Variants in TCF12 observed in about 807,000 individuals in gnomAD.
The protein encoded by TCF12 is DNA-binding protein HTF4.
In TCF12, 45 loss-of-function variants were observed where a neutral mutation model predicts 86.0. That is an observed-to-expected ratio of 0.52 (90% CI 0.41 to 0.67). The LOEUF (loss-of-function observed/expected upper bound fraction) is 0.67, where lower values mean the gene tolerates loss of function less well. Among genes scored for constraint, TCF12 ranks in the 30% least tolerant of loss-of-function variants. The pLI, the probability that TCF12 is intolerant of heterozygous loss-of-function variation, is 0.00. For synonymous variants in TCF12, 330 were observed against 299.6 expected, an observed-to-expected ratio of 1.10 and a Z score of -1.05; for missense variants, 881 against 859.9, an observed-to-expected ratio of 1.02 and a Z score of -0.31.
intron 5 of TCF12, among the ~76,000 whole-genome samples, chr15:57,148,576 T>G (rs2053529659): frequency 1.3e-5 from 2 of 151,394 alleles, no homozygotes; most frequent in African/African-American, 4.8e-5. Context: ...TTACAAAAAT[T>G]GTTTTTTCAA....
At chr15:57,135,799 A>T (rs1308518738) in intron 5 of TCF12, among the ~76,000 whole-genome samples, 1 of 152,222 alleles carries the variant, frequency 6.6e-6, no homozygotes, top group Non-Finnish European at 1.5e-5. Context: ...TCTGGTGGGA[A>T]TAAGAAAACT....
intron 3 of TCF12, among the ~76,000 whole-genome samples, chr15:56,973,844 A>G (rs1353369948): frequency 2.6e-5 from 4 of 152,148 alleles, no homozygotes; most frequent in Admixed American, 6.5e-5. Context: ...GTCTCCTGAT[A>G]TAGAGCACTG....
At chr15:56,970,479 C>CAAAAAAA (rs59118732) in intron 3 of TCF12, among the ~76,000 whole-genome samples, 1 of 65,476 alleles carries the variant, frequency 1.5e-5, no homozygotes. Context: ...GACTCCATCT[C>CAAAAAAA]AAAAAAAAAA....
intron 5 of TCF12, among the ~76,000 whole-genome samples, chr15:57,161,267 A>G (rs1301786185): frequency 6.6e-6 from 1 of 152,240 alleles, no homozygotes; most frequent in Non-Finnish European, 1.5e-5. Context: ...AGAGAGCAAG[A>G]TAACTTTTTT....
At chr15:57,201,309 G>A (rs751680523) in intron 8 of TCF12, among the ~76,000 whole-genome samples, 4 of 152,102 alleles carry the variant, frequency 2.6e-5, no homozygotes, top group Non-Finnish European at 4.4e-5. Flanking sequence ...GTAAGGGTGT[G>A]TACCAGGTGC....
intron 5 of TCF12, among the ~76,000 whole-genome samples, chr15:57,106,841 A>T (rs1489295249): frequency 6.6e-6 from 1 of 152,224 alleles, no homozygotes; most frequent in South Asian, 2.1e-4. Context: ...GTAATTAAGG[A>T]ATTGTAAATT....
chr15:57,283,038 G>C (rs1478881617), intron 20 of TCF12, among the ~76,000 whole-genome samples: 1 of 152,156 alleles, frequency 6.6e-6, no homozygotes, highest in Non-Finnish European at 1.5e-5. Context: ...ACATGAAAAA[G>C]TTATCACTTG....
intron 3 of TCF12, among the ~76,000 whole-genome samples, chr15:56,971,783 C>T (rs1393381631): frequency 6.6e-6 from 1 of 152,152 alleles, no homozygotes; most frequent in Non-Finnish European, 1.5e-5. Flanking sequence ...TGTAGTTTCA[C>T]TTTCTGGGGA....
rs566623326 is a variant in TCF12, at chr15:57,160,101, A to G, written c.326-6301A>G. ...TGGTCTAAATTTGGGTGTTGAAGGC[A>G]GAGTGAAACTGAACACCATTCTCCA... is the stretch of plus-strand genomic sequence containing the variant. On this transcript the variant is annotated intron_variant, in intron 5 of 20. Coordinates refer to ENST00000333725, the MANE Select transcript of TCF12 (RefSeq NM_207037.2). Among the ~76,000 whole-genome samples, 6 of 152,370 alleles carry G rather than the reference A, an allele frequency of 3.9e-5. No individual in the cohort carries two copies. In the East Asian group the frequency reaches 1.2e-3, roughly 29 times the overall value.
intron 3 of TCF12, among the ~76,000 whole-genome samples, chr15:56,987,173 G>A (rs1237402670): frequency 2.6e-5 from 4 of 151,732 alleles, no homozygotes; most frequent in African/African-American, 9.7e-5. Flanking sequence ...GTTCAGTGGC[G>A]CAATCTGGGC....
chr15:57,118,665 C>T (rs2051010743), intron 5 of TCF12, among the ~76,000 whole-genome samples: 1 of 152,130 alleles, frequency 6.6e-6, no homozygotes, highest in Non-Finnish European at 1.5e-5. Flanking sequence ...TGTGTTACTT[C>T]TTCAGACCTA....
intron 5 of TCF12, among the ~76,000 whole-genome samples, chr15:57,140,199 A>T (rs2052856328): frequency 6.6e-6 from 1 of 152,218 alleles, no homozygotes; most frequent in Admixed American, 6.5e-5. Flanking sequence ...TGGTATATGC[A>T]TACAACAGAA....
intron 3 of TCF12, among the ~76,000 whole-genome samples, chr15:56,974,823 G>A (rs1353266626): frequency 2.0e-5 from 3 of 151,740 alleles, no homozygotes; most frequent in Non-Finnish European, 4.4e-5. Flanking sequence ...ACTTAGATCC[G>A]CTTTCTAAGT....
At chr15:57,214,859 C>T (rs2058268049) in intron 8 of TCF12, among the ~76,000 whole-genome samples, 1 of 151,952 alleles carries the variant, frequency 6.6e-6, no homozygotes, top group Admixed American at 6.6e-5. Flanking sequence ...TTAAGATTTT[C>T]ATACAGTGGA....
intron 12 of TCF12, among the ~76,000 whole-genome samples, chr15:57,235,113 T>C (rs1162909707): frequency 1.3e-5 from 2 of 152,252 alleles, no homozygotes; most frequent in Non-Finnish European, 2.9e-5. Context: ...ACTCATTTAC[T>C]ACATAGTAGA....
chr15:57,171,973 G>C (rs971216120), intron 6 of TCF12, among the ~76,000 whole-genome samples: 6 of 151,926 alleles, frequency 3.9e-5, no homozygotes, highest in African/African-American at 1.5e-4. Flanking sequence ...GCAGGGTCTT[G>C]GTTTTTTTCA....
intron 6 of TCF12, among the ~76,000 whole-genome samples, chr15:57,174,373 T>TA (rs1266445046): frequency 1.3e-5 from 2 of 152,204 alleles, no homozygotes; most frequent in Admixed American, 6.5e-5. Context: ...ATACTCATGA[T>TA]AAAATCTCTC....
intron 8 of TCF12, among the ~76,000 whole-genome samples, chr15:57,200,543 T>G (rs568407282): frequency 6.6e-6 from 1 of 152,322 alleles, no homozygotes; most frequent in African/African-American, 2.4e-5. Context: ...CATTCAGGAT[T>G]TCATCAGTTT....
At chr15:57,203,429 C>A (rs1217295535) in intron 8 of TCF12, among the ~76,000 whole-genome samples, 1 of 152,086 alleles carries the variant, frequency 6.6e-6, no homozygotes, top group Non-Finnish European at 1.5e-5. Context: ...ATAGAAGAAG[C>A]AAGATATATC....
Sources: allele counts gnomAD v4.1 joint callset (sites outside exome capture counted in the v4.1 genomes callset), GRCh38; gene constraint gnomAD v4.1.1; transcripts MANE v1.5; gene names NCBI Gene and HGNC (gene_info 2026-07-23, HGNC 2026-07-21).